CSMD1: variants seen among roughly 807,000 people sequenced by gnomAD.
The protein encoded by CSMD1 is CUB and sushi domain-containing protein 1.
In CSMD1, 213 loss-of-function variants were observed where a neutral mutation model predicts 417.5. That is an observed-to-expected ratio of 0.51 (90% CI 0.46 to 0.57). The LOEUF (loss-of-function observed/expected upper bound fraction) is 0.57. CSMD1 is among the 20% of genes least tolerant of loss of function. The pLI is 0.00. For synonymous variants in CSMD1, 2,862 were observed against 1,736.8 expected (o/e 1.65, Z -16.11); for missense variants, 6,923 against 4,529.7 (o/e 1.53, Z -15.17).
At position 4,490,033 on chromosome 8, in the gene CSMD1, G is replaced by T. The variant is rs563948316; in HGVS notation, c.303-69968C>A. 3.1e-4 allele frequency among the ~76,000 whole-genome samples: 42 copies of T among 135,774 alleles called. 3 individuals carry two copies. The South Asian group carries it at 9.8e-3, about 32-fold the overall frequency. The allele number at this position is 135,774 out of a possible 152,430, so 89.1% of individuals were successfully genotyped here. The stretch of plus-strand genomic sequence containing the variant: ...TTCCAGGTCAATTTACGATACTCAG[G>T]TACCAATTTTTTTTTTTTTTTTTTT... On this transcript the variant is annotated intron_variant, in intron 2 of 69. Transcript: ENST00000635120.
chr8:4,992,616 C>A (rs1811531586), intron 1 of CSMD1, among the ~76,000 whole-genome samples: 1 of 152,216 alleles, frequency 6.6e-6, no homozygotes, highest in African/African-American at 2.4e-5. Flanking sequence ...CCCAGCACAC[C>A]TCACAGGGCA....
chr8:3,143,676 C>T (rs1430305088), intron 40 of CSMD1, among the ~76,000 whole-genome samples: 2 of 152,142 alleles, frequency 1.3e-5, no homozygotes, highest in South Asian at 4.1e-4. Context: ...CAACTAACAG[C>T]AGTTGTAGAG....
chr8:4,243,271 C>G (rs929929272), intron 3 of CSMD1, among the ~76,000 whole-genome samples: 1 of 152,094 alleles, frequency 6.6e-6, no homozygotes, highest in African/African-American at 2.4e-5. Context: ...CTTACCTAGT[C>G]TCATGAACTA....
At chr8:3,736,252 TTTTG>T (rs909186504) in intron 6 of CSMD1, among the ~76,000 whole-genome samples, 6 of 152,064 alleles carry the variant, frequency 3.9e-5, no homozygotes, top group South Asian at 2.1e-4. Context: ...TTTTGTTTTG[TTTTG>T]TTTTTGACAG....
intron 1 of CSMD1, among the ~76,000 whole-genome samples, chr8:4,647,317 C>T (rs568851344): frequency 2.0e-5 from 3 of 150,798 alleles, no homozygotes; most frequent in African/African-American, 7.3e-5. Flanking sequence ...CATAGGTATA[C>T]ATGTGCCACG....
chr8:3,939,666 C>T lies in CSMD1; in HGVS notation c.818+58237G>A, dbSNP rs557310948. Reference sequence around the variant, plus strand: ...ATAAAGAAAATGTGGTATATATACACCATGGAGTAGTAGTCAGCCACATAA... The same window carrying T: ...ATAAAGAAAATGTGGTATATATACATCATGGAGTAGTAGTCAGCCACATAA... On this transcript the variant is annotated intron_variant, in intron 5 of 69. Coordinates refer to ENST00000635120, the MANE Select transcript of CSMD1 (RefSeq NM_033225.6). Among the ~76,000 whole-genome samples, 95 of 152,174 alleles carry T rather than the reference C, an allele frequency of 6.2e-4. 1 individual carries two copies. The Middle Eastern group carries it at 0.014, about 22-fold the overall frequency.
intron 26 of CSMD1, among the ~76,000 whole-genome samples, chr8:3,242,093 AAAG>A (rs1563177436): frequency 1.4e-5 from 2 of 142,004 alleles, no homozygotes; most frequent in Non-Finnish European, 3.1e-5. Flanking sequence ...GATTTGGGAT[AAAG>A]AAAAAGGAGC....
chr8:4,745,492 T>C (rs991901135), intron 1 of CSMD1, among the ~76,000 whole-genome samples: 24 of 152,324 alleles, frequency 1.6e-4, no homozygotes, highest in African/African-American at 5.8e-4. Context: ...ATATATTCTT[T>C]CTTAGAGTAA....
chr8:4,385,274 C>A (rs1803373388), intron 3 of CSMD1, among the ~76,000 whole-genome samples: 1 of 152,168 alleles, frequency 6.6e-6, no homozygotes, highest in Non-Finnish European at 1.5e-5. Flanking sequence ...ATTCATCAGG[C>A]TTTCAAAATA....
intron 5 of CSMD1, among the ~76,000 whole-genome samples, chr8:3,896,431 T>C (rs1446733625): frequency 6.6e-6 from 1 of 152,188 alleles, no homozygotes; most frequent in Non-Finnish European, 1.5e-5. Flanking sequence ...ATGTAATGTC[T>C]CCAAAACGTT....
At chr8:3,500,090 G>T (rs1367350148) in intron 10 of CSMD1, among the ~76,000 whole-genome samples, 2 of 152,066 alleles carry the variant, frequency 1.3e-5, no homozygotes, top group Non-Finnish European at 2.9e-5. Flanking sequence ...CTACAATCGG[G>T]AGTCCTTTTT....
At chr8:3,647,429 G>A (rs879482214) in intron 7 of CSMD1, among the ~76,000 whole-genome samples, 10 of 152,054 alleles carry the variant, frequency 6.6e-5, no homozygotes, top group African/African-American at 1.7e-4. Context: ...ACAGCATAAA[G>A]AGAAATACAG....
intron 3 of CSMD1, among the ~76,000 whole-genome samples, chr8:4,345,554 A>C (rs1028435226): frequency 1.3e-5 from 2 of 152,196 alleles, no homozygotes; most frequent in South Asian, 4.1e-4. Context: ...TATGCAAATC[A>C]CTCATCGGAC....
intron 39 of CSMD1, among the ~76,000 whole-genome samples, chr8:3,154,340 G>T (rs1449963177): frequency 6.6e-6 from 1 of 152,208 alleles, no homozygotes; most frequent in Non-Finnish European, 1.5e-5. Flanking sequence ...TCTCTGTGTG[G>T]TCATCAAGTT....
At chr8:3,087,340 T>TG in intron 48 of CSMD1, 55 bp from the exon 49 acceptor site, 1 of 1,529,972 alleles carries the variant, frequency 6.5e-7, no homozygotes, top group Non-Finnish European at 9.0e-7. Context: ...AAATGGCCAG[T>TG]GCCATTGCCT....
chr8:3,462,924 G>T (rs1354561757), intron 12 of CSMD1, among the ~76,000 whole-genome samples: 2 of 152,146 alleles, frequency 1.3e-5, no homozygotes, highest in Non-Finnish European at 2.9e-5. Context: ...TGATGAGGGT[G>T]GAGCCCCTGT....
Position 3,059,180 on chromosome 8 carries a change from T to C in CSMD1, c.7475-6533A>G, listed in dbSNP as rs557824533. Among the ~76,000 whole-genome samples the C allele has an allele frequency of 8.0e-5, 12 of 150,510 alleles. No individual in the cohort carries two copies. The South Asian group carries it at 2.5e-3, about 32-fold the overall frequency. On this transcript the variant is annotated intron_variant, in intron 49 of 69. Coordinates refer to ENST00000635120, the MANE Select transcript of CSMD1 (RefSeq NM_033225.6). The stretch of plus-strand genomic sequence containing the variant: ...ATTTTAGCACGACTATTAATAATAA[T>C]GGCTTGTTAAGAACTAAAAAAAAAT...
chr8:4,048,930 G>C (rs553697676), intron 3 of CSMD1, among the ~76,000 whole-genome samples: 2 of 152,028 alleles, frequency 1.3e-5, no homozygotes, highest in Non-Finnish European at 2.9e-5. Flanking sequence ...AATTTCAAAT[G>C]CTGCAAATAT....
chr8:4,828,677 G>C (rs1475907180), intron 1 of CSMD1, among the ~76,000 whole-genome samples: 2 of 152,072 alleles, frequency 1.3e-5, no homozygotes, highest in Non-Finnish European at 2.9e-5. Context: ...ATTGACCAGA[G>C]CCCAGGTGTG....
Sources: allele counts gnomAD v4.1 joint callset (sites outside exome capture counted in the v4.1 genomes callset), GRCh38; gene constraint gnomAD v4.1.1; transcripts MANE v1.5; gene names NCBI Gene and HGNC (gene_info 2026-07-23, HGNC 2026-07-21).